SUSD4: variants seen among roughly 807,000 people sequenced by gnomAD.
SUSD4 encodes sushi domain-containing protein 4.
In SUSD4, 41 loss-of-function variants were observed where a neutral mutation model predicts 50.5. That is an observed-to-expected ratio of 0.81 (90% CI 0.63 to 1.05). SUSD4 has a LOEUF of 1.05. Ranked by LOEUF, SUSD4 falls within the 50% of genes least tolerant of loss-of-function variation. The probability of loss-of-function intolerance (pLI) is 0.00; values close to 1 mark genes in which losing one functional copy is unlikely to be tolerated. For synonymous variants in SUSD4, 257 were observed against 257.3 expected (o/e 1.00, Z 0.01); for missense variants, 580 against 634.7 (o/e 0.91, Z 0.93).
In SUSD4 at chr1:223,223,527, G is replaced by A; in HGVS notation, c.1166C>T (p.Ala389Val). 1 of 1,612,326 alleles carries A rather than the reference G, an allele frequency of 6.2e-7. No homozygotes were observed. The highest frequency in any genetic ancestry group is 8.5e-7 in the Non-Finnish European group (1 of 1,179,540). Reference sequence around the variant, plus strand: ...AGAGGCCATGTACCCGGGGCCTAAGGCACTCAAGCCGCCACTCACAGCTTC... The same window carrying A: ...AGAGGCCATGTACCCGGGGCCTAAGACACTCAAGCCGCCACTCACAGCTTC... ...YDEAVSGGLSALGPGYMASVG... is the reference protein window; with the variant it reads ...YDEAVSGGLSVLGPGYMASVG... The change falls in exon 8 of 9, where the codon GCC becomes GTC. Residue 389 changes from alanine to valine, a missense_variant. Transcript: ENST00000366878.
intron 5 of SUSD4, among the ~76,000 whole-genome samples, chr1:223,246,635 G>A (rs1375928204): frequency 6.6e-6 from 1 of 152,124 alleles, no homozygotes; most frequent in Non-Finnish European, 1.5e-5. Context: ...CGTAGGAGGG[G>A]CTGGAGGGAA....
chr1:223,274,125 A>G (rs762194750), intron 3 of SUSD4, among the ~76,000 whole-genome samples: 5 of 152,150 alleles, frequency 3.3e-5, no homozygotes, highest in Admixed American at 6.5e-5. Flanking sequence ...GCACTGTTCC[A>G]TATCAGTGCC....
At chr1:223,362,746 A>G (rs1669055758) in intron 2 of SUSD4, among the ~76,000 whole-genome samples, 1 of 152,202 alleles carries the variant, frequency 6.6e-6, no homozygotes, top group South Asian at 2.1e-4. Context: ...TGCTGCACAC[A>G]CAGGGGAAGG....
At chr1:223,338,256 C>T (rs1052799148) in intron 2 of SUSD4, among the ~76,000 whole-genome samples, 7 of 152,128 alleles carry the variant, frequency 4.6e-5, no homozygotes, top group Non-Finnish European at 7.3e-5. Flanking sequence ...CAAGGGACCC[C>T]GAGGAGTGAG....
chr1:223,238,741 T>G lies in SUSD4; in HGVS notation c.725-9353A>C, dbSNP rs1490501763. Among the ~76,000 whole-genome samples, 5 of 152,000 alleles carry G rather than the reference T, an allele frequency of 3.3e-5. No homozygotes were observed. The South Asian group carries it at 8.3e-4, about 25-fold the overall frequency. On this transcript the variant is annotated intron_variant, in intron 5 of 8. Coordinates refer to ENST00000366878, the MANE Select transcript of SUSD4 (RefSeq NM_017982.4). ...CTTTTAAATTTGTTAAGGTGTGTTT[T>G]ATGCTCAGAATGTGGAGTGGACTAT...
intron 2 of SUSD4, among the ~76,000 whole-genome samples, chr1:223,341,442 T>TCCCACCTCCCA (rs1667750892): frequency 6.6e-6 from 1 of 151,720 alleles, no homozygotes; most frequent in African/African-American, 2.4e-5. Flanking sequence ...CTGGAGAGGG[T>TCCCACCTCCCA]CCCACCTCCC....
At chr1:223,266,232 G>A (rs1314420117) in intron 4 of SUSD4, among the ~76,000 whole-genome samples, 1 of 150,290 alleles carries the variant, frequency 6.7e-6, no homozygotes, top group South Asian at 2.1e-4. Flanking sequence ...AGCCATCTTT[G>A]TAGACAGTCC....
At position 223,319,676 on chromosome 1, in the gene SUSD4, C is replaced by T. The variant is rs17163802; in HGVS notation, c.149-27025G>A. Among the ~76,000 whole-genome samples the T allele has an allele frequency of 7.4e-3, 1,128 of 152,300 alleles. 36 individuals are homozygous for T. In the East Asian group the frequency reaches 0.11, roughly 14 times the overall value. ...TTTTCACAGGTAGGAGGGAATACAG[C>T]GGCCCTTTCAATAGGACCAGCTTCT... On this transcript the variant is annotated intron_variant, in intron 2 of 8. Transcript: ENST00000366878.
chr1:223,294,465 A>T (rs1274788599), intron 2 of SUSD4, among the ~76,000 whole-genome samples: 1 of 152,156 alleles, frequency 6.6e-6, no homozygotes, highest in Non-Finnish European at 1.5e-5. Flanking sequence ...CTTGTGTAGG[A>T]TTCACTGGCT....
At chr1:223,305,614 C>T (rs1665489171) in intron 2 of SUSD4, among the ~76,000 whole-genome samples, 3 of 152,076 alleles carry the variant, frequency 2.0e-5, no homozygotes, top group Admixed American at 1.3e-4. Flanking sequence ...ATTTATTAGG[C>T]AAAATAGATT....
chr1:223,253,304 C>T (rs1288524591), intron 5 of SUSD4, among the ~76,000 whole-genome samples: 3 of 149,040 alleles, frequency 2.0e-5, no homozygotes, highest in South Asian at 2.1e-4. Context: ...TTTTACAGAA[C>T]GCAAGCCAAA....
At chr1:223,287,003 C>T (rs1664187777) in intron 3 of SUSD4, among the ~76,000 whole-genome samples, 1 of 152,170 alleles carries the variant, frequency 6.6e-6, no homozygotes, top group South Asian at 2.1e-4. Context: ...CCTGTGGCTA[C>T]ATTGGTGGGT....
At chr1:223,267,247 A>T (rs1316680530) in intron 4 of SUSD4, among the ~76,000 whole-genome samples, 2 of 152,206 alleles carry the variant, frequency 1.3e-5, no homozygotes, top group African/African-American at 4.8e-5. Context: ...TCACTGGGGA[A>T]AAAAGAACTC....
intron 2 of SUSD4, among the ~76,000 whole-genome samples, chr1:223,311,541 G>A (rs1052923647): frequency 1.3e-5 from 2 of 152,120 alleles, no homozygotes; most frequent in African/African-American, 2.4e-5. Flanking sequence ...CCTAATTTAC[G>A]GTTTAAGTGG....
rs79360531 is a variant in SUSD4, at chr1:223,287,957, A to C, written c.361+4482T>G. ...TGCAAAGAGGAAACTCAAAGAAGAA[A>C]AGAGAGTTGTCTTTCTGCACAAGGA... On this transcript the variant is annotated intron_variant, in intron 3 of 8. Transcript: ENST00000366878. Among the ~76,000 whole-genome samples the C allele has an allele frequency of 5.4e-3, 816 of 152,302 alleles. 45 individuals are homozygous for C. In the East Asian group the frequency reaches 0.12, roughly 22 times the overall value.
At chr1:223,322,273 T>C (rs1260830395) in intron 2 of SUSD4, among the ~76,000 whole-genome samples, 1 of 152,256 alleles carries the variant, frequency 6.6e-6, no homozygotes, top group African/African-American at 2.4e-5. Context: ...AAGGAAATGT[T>C]AAACTTTGGT....
intron 5 of SUSD4, among the ~76,000 whole-genome samples, chr1:223,253,051 A>G (rs888491058): frequency 3.9e-5 from 6 of 151,934 alleles, no homozygotes; most frequent in African/African-American, 1.4e-4. Flanking sequence ...AGATTGCACA[A>G]TTGCACTCCA....
At chr1:223,264,516 T>C in intron 5 of SUSD4, 114 bp downstream of exon 5, 1 of 1,480,110 alleles carries the variant, frequency 6.8e-7, no homozygotes, top group Non-Finnish European at 8.9e-7. Flanking sequence ...GAGAAAGATG[T>C]ATTCAGAGAA....
chr1:223,265,206 T>C (rs1773710), intron 4 of SUSD4, among the ~76,000 whole-genome samples: 63,461 of 152,080 alleles, frequency 0.42, 13,453 homozygotes, highest in Non-Finnish European at 0.44. Flanking sequence ...AGGTTGAGAA[T>C]CACCGAGGTG....
Sources: gnomAD v4.1 joint callset for allele counts (sites outside exome capture counted in the v4.1 genomes callset) on GRCh38, gnomAD v4.1.1 for gene constraint, MANE v1.5 for transcripts, NCBI Gene and HGNC (gene_info 2026-07-23, HGNC 2026-07-21) for gene names.